Variants in ULK4 observed in about 807,000 individuals in gnomAD.
The protein encoded by ULK4 is inactive serine/threonine-protein kinase ULK4.
In ULK4, 133 loss-of-function variants were observed where a neutral mutation model predicts 160.6. The ratio of observed to expected loss-of-function variants is 0.83; its 90% CI spans 0.72 to 0.96. The LOEUF is 0.96. Among genes scored for constraint, ULK4 ranks in the 40% least tolerant of loss-of-function variants. ULK4 has a pLI of 0.00. For synonymous variants in ULK4, 534 were observed against 539.8 expected, an observed-to-expected ratio of 0.99 and a Z score of 0.15; for missense variants, 1,580 against 1,499.5, an observed-to-expected ratio of 1.05 and a Z score of -0.89.
intron 35 of ULK4, among the ~76,000 whole-genome samples, chr3:41,393,708 CAT>C (rs747248699): frequency 6.6e-6 from 1 of 152,134 alleles, no homozygotes; most frequent in Non-Finnish European, 1.5e-5. Context: ...GTGCTTTGCA[CAT>C]AGTCATAACT....
chr3:41,876,460 A>T (rs772925288), intron 17 of ULK4, among the ~76,000 whole-genome samples: 25 of 152,212 alleles, frequency 1.6e-4, no homozygotes, highest in Admixed American at 4.6e-4. Context: ...ACATTCTTTC[A>T]TTAGTCAAAG....
At chr3:41,757,252 G>C (rs1243306951) in intron 21 of ULK4, among the ~76,000 whole-genome samples, 1 of 152,162 alleles carries the variant, frequency 6.6e-6, no homozygotes, top group African/African-American at 2.4e-5. Flanking sequence ...CAGAAGATAG[G>C]AGGCAAGTTT....
intron 32 of ULK4, among the ~76,000 whole-genome samples, chr3:41,546,932 C>T (rs145189021): frequency 1.9e-3 from 296 of 152,284 alleles, no homozygotes; most frequent in Non-Finnish European, 3.2e-3. Context: ...ATTTGTATTG[C>T]TTGCCCTCCT....
chr3:41,447,893 T>A (rs1035060264), intron 34 of ULK4, among the ~76,000 whole-genome samples: 13 of 152,054 alleles, frequency 8.5e-5, no homozygotes, highest in Admixed American at 7.9e-4. Flanking sequence ...GAAGTCTAAA[T>A]GATGCAATTT....
chr3:41,549,278 C>G (rs572574190), intron 32 of ULK4, among the ~76,000 whole-genome samples: 1 of 118,408 alleles, frequency 8.4e-6, no homozygotes, highest in Non-Finnish European at 2.0e-5. Context: ...TAAGACAATA[C>G]AAATGAACAA....
At chr3:41,510,652 T>G (rs867945389) in intron 32 of ULK4, among the ~76,000 whole-genome samples, 1 of 152,026 alleles carries the variant, frequency 6.6e-6, no homozygotes, top group African/African-American at 2.4e-5. Context: ...CACAGTGGAA[T>G]AAAATTGGAA....
intron 32 of ULK4, among the ~76,000 whole-genome samples, chr3:41,506,767 A>AAAAAAAAAATATATATATATATAAAT: frequency 2.5e-4 from 14 of 56,766 alleles, no homozygotes; most frequent in Non-Finnish European, 2.8e-4. Flanking sequence ...TGTGATTTAA[A>AAAAAAAAAATATATATATATATAAAT]ATATATATAT....
intron 35 of ULK4, among the ~76,000 whole-genome samples, chr3:41,381,795 A>G (rs1378600530): frequency 6.6e-6 from 1 of 152,050 alleles, no homozygotes; most frequent in Non-Finnish European, 1.5e-5. Flanking sequence ...AAAGGCTTCC[A>G]CTTCACTGGG....
In ULK4 at chr3:41,412,912, A is replaced by G. The variant is rs2082438085; in HGVS notation, c.3493-14648T>C. ...TAAATATGCAAAGCCATACACTTTT[A>G]CCTTGCCCTTGCATCATGTAACAAA... On this transcript the variant is annotated intron_variant, in intron 34 of 36. Transcript: ENST00000301831. Among the ~76,000 whole-genome samples, 3 of 152,166 alleles carry G rather than the reference A, an allele frequency of 2.0e-5. No individual in the cohort carries two copies. The South Asian group carries it at 6.2e-4, about 32-fold the overall frequency.
intron 35 of ULK4, among the ~76,000 whole-genome samples, chr3:41,287,717 C>T (rs556670238): frequency 1.3e-5 from 2 of 152,174 alleles, no homozygotes; most frequent in Non-Finnish European, 2.9e-5. Flanking sequence ...GAGATTTCCT[C>T]TCAACCAAGT....
At position 41,329,865 on chromosome 3, in the gene ULK4, C is replaced by A. The variant is rs957577167; in HGVS notation, c.3678+68214G>T. 1.1e-4 allele frequency among the ~76,000 whole-genome samples: 16 copies of A among 152,026 alleles called. No individual in the cohort carries two copies. The South Asian group carries it at 2.3e-3, about 22-fold the overall frequency. ...TAAGAAAGGGTATTTATTAGAAGAG[C>A]ATATTAGATTTGACAAATGGTATTT... On this transcript the variant is annotated intron_variant, in intron 35 of 36. Coordinates refer to ENST00000301831, the MANE Select transcript of ULK4 (RefSeq NM_017886.4).
intron 35 of ULK4, among the ~76,000 whole-genome samples, chr3:41,270,058 G>T (rs1158930766): frequency 6.6e-6 from 1 of 152,060 alleles, no homozygotes; most frequent in African/African-American, 2.4e-5. Context: ...AGCATAAACA[G>T]ACATATACAG....
chr3:41,469,959 T>C (rs2083935590), intron 32 of ULK4, among the ~76,000 whole-genome samples: 1 of 133,246 alleles, frequency 7.5e-6, no homozygotes, highest in Non-Finnish European at 1.5e-5. Context: ...ATAAGGATTA[T>C]GGAATACCAT....
intron 5 of ULK4, among the ~76,000 whole-genome samples, chr3:41,928,419 C>G (rs1233433778): frequency 6.6e-6 from 1 of 151,662 alleles, no homozygotes; most frequent in African/African-American, 2.4e-5. Context: ...AAATTGACAC[C>G]CTAACATCGC....
chr3:41,775,834 G>T (rs578039681), intron 21 of ULK4, among the ~76,000 whole-genome samples: 1 of 150,828 alleles, frequency 6.6e-6, no homozygotes, highest in Non-Finnish European at 1.5e-5. Flanking sequence ...ATTTATCCAT[G>T]TTAATTCTTT....
intron 30 of ULK4, among the ~76,000 whole-genome samples, chr3:41,658,849 T>C (rs535157662): frequency 6.6e-6 from 1 of 152,230 alleles, no homozygotes; most frequent in East Asian, 1.9e-4. Context: ...ATGTTATGTA[T>C]TAACTCTGAA....
At chr3:41,535,912 T>C (rs2086482426) in intron 32 of ULK4, among the ~76,000 whole-genome samples, 1 of 152,126 alleles carries the variant, frequency 6.6e-6, no homozygotes, top group Admixed American at 6.5e-5. Flanking sequence ...CCCCACCAGA[T>C]TCACAGTCTG....
At position 41,607,896 on chromosome 3, in the gene ULK4, G is replaced by T. The variant is rs370225059; in HGVS notation, c.3120+7773C>A. Among the ~76,000 whole-genome samples the T allele has an allele frequency of 1.1e-3, 174 of 152,182 alleles. 5 individuals carry two copies. In the South Asian group the frequency reaches 0.035, roughly 31 times the overall value. On this transcript the variant is annotated intron_variant, in intron 31 of 36. Coordinates refer to ENST00000301831, the MANE Select transcript of ULK4 (RefSeq NM_017886.4). ...CAGATACAAACTAATATTCAATACG[G>T]TCCCATTTTTGACAAAAGACATACA...
At chr3:41,428,865 A>G (rs562037043) in intron 34 of ULK4, among the ~76,000 whole-genome samples, 1 of 152,308 alleles carries the variant, frequency 6.6e-6, no homozygotes, top group Non-Finnish European at 1.5e-5. Flanking sequence ...ATTTTATGAC[A>G]AAAACGTCAA....
Sources: gnomAD v4.1 joint callset for allele counts (sites outside exome capture counted in the v4.1 genomes callset) on GRCh38, gnomAD v4.1.1 for gene constraint, MANE v1.5 for transcripts, NCBI Gene and HGNC (gene_info 2026-07-23, HGNC 2026-07-21) for gene names.